Variants in RABGAP1L observed in about 807,000 individuals in gnomAD.
The protein encoded by RABGAP1L is rab GTPase-activating protein 1-like.
RABGAP1L carries 63 observed loss-of-function variants against 137.7 expected under a neutral mutation model. The observed-to-expected ratio is 0.46, with a 90% CI of 0.37 to 0.56. The LOEUF (loss-of-function observed/expected upper bound fraction) is 0.56. Among genes scored for constraint, RABGAP1L ranks in the 20% least tolerant of loss-of-function variants. The pLI, the probability that RABGAP1L is intolerant of heterozygous loss-of-function variation, is 0.00. For synonymous variants in RABGAP1L, 431 were observed against 433.7 expected (o/e 0.99, Z 0.08); for missense variants, 1,095 against 1,244.0 (o/e 0.88, Z 1.80).
intron 19 of RABGAP1L, among the ~76,000 whole-genome samples, chr1:174,843,619 G>A (rs1359837710): frequency 4.2e-5 from 4 of 95,198 alleles, no homozygotes; most frequent in Non-Finnish European, 2.1e-5. Flanking sequence ...TCTTAATCCA[G>A]TCTATCATTG....
intron 13 of RABGAP1L, among the ~76,000 whole-genome samples, chr1:174,582,964 A>AT (rs1258272429): frequency 3.3e-5 from 5 of 152,210 alleles, no homozygotes; most frequent in African/African-American, 1.2e-4. Context: ...TATACACTTT[A>AT]TTAGGGATTT....
chr1:174,241,319 CAAACA>C (rs143230337), intron 4 of RABGAP1L, among the ~76,000 whole-genome samples, 159 bp from the exon 5 acceptor site: 29 of 150,594 alleles, frequency 1.9e-4, no homozygotes, highest in South Asian at 2.1e-4. Flanking sequence ...AACTCTGTTT[CAAACA>C]AAACAAAACA....
At chr1:174,445,095 A>G (rs1264709501) in intron 13 of RABGAP1L, among the ~76,000 whole-genome samples, 2 of 152,160 alleles carry the variant, frequency 1.3e-5, no homozygotes, top group Admixed American at 6.5e-5. Flanking sequence ...TGCACACAGC[A>G]CAATGCTTGG....
rs1221841514 is a variant in RABGAP1L at position 174,303,382 on chromosome 1, G to T, written c.1324-1604G>T. ...GGTTTCCTCATTTATAGCCACTGTT[G>T]AGACTTGTAACTTTAGAGAATTTAT... is the stretch of plus-strand genomic sequence containing the variant. On this transcript the variant is annotated intron_variant, in intron 10 of 25. Transcript: ENST00000681986. Among the ~76,000 whole-genome samples, 3 of 152,038 alleles carry T rather than the reference G, an allele frequency of 2.0e-5. No homozygotes were observed. In the East Asian group the frequency reaches 5.8e-4, roughly 29 times the overall value.
chr1:174,908,493 A>AAAAATAC (rs1290455716), intron 19 of RABGAP1L, among the ~76,000 whole-genome samples: 7 of 152,068 alleles, frequency 4.6e-5, no homozygotes, highest in Non-Finnish European at 8.8e-5. Flanking sequence ...CTGTAACATC[A>AAAAATAC]AAAATACACA....
intron 1 of RABGAP1L, among the ~76,000 whole-genome samples, chr1:174,215,831 C>T (rs1369077580): frequency 6.6e-6 from 1 of 152,028 alleles, no homozygotes; most frequent in Non-Finnish European, 1.5e-5. Context: ...GTATATACTC[C>T]GAAGAAGAGA....
intron 13 of RABGAP1L, among the ~76,000 whole-genome samples, chr1:174,426,008 G>A (rs891602606): frequency 9.2e-5 from 14 of 152,038 alleles, no homozygotes; most frequent in Non-Finnish European, 1.9e-4. Context: ...GTTGAATATC[G>A]TTGTAATTAC....
chr1:174,550,935 C>T (rs11806092), intron 13 of RABGAP1L, among the ~76,000 whole-genome samples: 41 of 81,716 alleles, frequency 5.0e-4, no homozygotes, highest in African/African-American at 9.9e-4. Context: ...TATATATACA[C>T]ATATATATAC....
At chr1:174,679,967 C>CA (rs1432615545) in intron 14 of RABGAP1L, among the ~76,000 whole-genome samples, 2 of 151,844 alleles carry the variant, frequency 1.3e-5, no homozygotes, top group African/African-American at 4.8e-5. Flanking sequence ...AATGCCAAAA[C>CA]AAAAAAACTT....
intron 13 of RABGAP1L, among the ~76,000 whole-genome samples, chr1:174,501,955 G>A (rs1482373763): frequency 6.6e-6 from 1 of 150,648 alleles, no homozygotes; most frequent in Non-Finnish European, 1.5e-5. Flanking sequence ...CTAGGTTTAC[G>A]GGTTTCTTTC....
chr1:174,947,286 A>T (rs1017010913), intron 19 of RABGAP1L, among the ~76,000 whole-genome samples: 1 of 150,060 alleles, frequency 6.7e-6, no homozygotes, highest in African/African-American at 2.5e-5. Flanking sequence ...CACCATGTTG[A>T]TCAGGCTGGT....
At chr1:174,195,608 T>TTC (rs1667527810) in intron 1 of RABGAP1L, among the ~76,000 whole-genome samples, 3 of 73,950 alleles carry the variant, frequency 4.1e-5, no homozygotes, top group Admixed American at 1.7e-4. Context: ...TTTCTTTCTT[T>TTC]CTTTCTTTCT....
chr1:174,575,148 G>A (rs983114947), intron 13 of RABGAP1L, among the ~76,000 whole-genome samples: 3 of 151,988 alleles, frequency 2.0e-5, no homozygotes, highest in African/African-American at 2.4e-5. Context: ...CAGGCTGGTC[G>A]CGAACTCCCG....
chr1:174,193,586 T>A (rs2148347717), intron 1 of RABGAP1L, among the ~76,000 whole-genome samples: 1 of 152,312 alleles, frequency 6.6e-6, no homozygotes, highest in East Asian at 1.9e-4. Flanking sequence ...TTCTCTGACC[T>A]ACTCATTTCA....
At chr1:174,203,291 G>A (rs1668266298) in intron 1 of RABGAP1L, among the ~76,000 whole-genome samples, 1 of 152,066 alleles carries the variant, frequency 6.6e-6, no homozygotes, top group Non-Finnish European at 1.5e-5. Context: ...ATTTGTATAT[G>A]ATGTAAGGAA....
chr1:174,204,932 T>A (rs1668402450), intron 1 of RABGAP1L, among the ~76,000 whole-genome samples: 1 of 152,224 alleles, frequency 6.6e-6, no homozygotes, highest in African/African-American at 2.4e-5. Context: ...CCATGCTTTC[T>A]GTACAGCCTG....
At chr1:174,500,852 A>G (rs548930602) in intron 13 of RABGAP1L, among the ~76,000 whole-genome samples, 150 of 152,286 alleles carry the variant, frequency 9.8e-4, no homozygotes, top group African/African-American at 3.4e-3. Context: ...GGCCTTCTAT[A>G]AAAGATTTGG....
chr1:174,485,831 A>G (rs180859698), intron 13 of RABGAP1L, among the ~76,000 whole-genome samples: 14 of 152,324 alleles, frequency 9.2e-5, no homozygotes, highest in African/African-American at 3.1e-4. Flanking sequence ...TGATTTTGGT[A>G]TAAGGGTAAT....
chr1:174,861,708 T>A (rs551761214), intron 19 of RABGAP1L, among the ~76,000 whole-genome samples: 1 of 152,226 alleles, frequency 6.6e-6, no homozygotes, highest in Non-Finnish European at 1.5e-5. Flanking sequence ...ATTAATGATG[T>A]TGAGCACCTT....
Sources: allele counts gnomAD v4.1 joint callset (sites outside exome capture counted in the v4.1 genomes callset), GRCh38; gene constraint gnomAD v4.1.1; transcripts MANE v1.5; gene names NCBI Gene and HGNC (gene_info 2026-07-23, HGNC 2026-07-21).